KCNQ1: variants seen among roughly 807,000 people sequenced by gnomAD.
KCNQ1 encodes the protein potassium voltage-gated channel subfamily Q member 1.
In KCNQ1, 49 loss-of-function variants were observed where a neutral mutation model predicts 72.4. The observed-to-expected ratio is 0.68, with a 90% CI of 0.54 to 0.86. The LOEUF (loss-of-function observed/expected upper bound fraction) is 0.86. Among genes scored for constraint, KCNQ1 ranks in the 40% least tolerant of loss-of-function variants. The pLI, the probability that KCNQ1 is intolerant of heterozygous loss-of-function variation, is 0.00. For missense variants in KCNQ1, 790 were observed against 945.1 expected, an observed-to-expected ratio of 0.84 and a Z score of 2.15; for synonymous variants, 450 against 412.6, an observed-to-expected ratio of 1.09 and a Z score of -1.10.
chr11:2,668,622 TTTTATG>T lies in KCNQ1; in HGVS notation c.1514+6547_1514+6552del, dbSNP rs1850125727. 1 of 398,618 alleles carries T rather than the reference TTTTATG, an allele frequency of 2.5e-6. No individual in the cohort carries two copies. The highest frequency in any genetic ancestry group is 4.4e-6 in the Non-Finnish European group (1 of 226,056). 24.7% of individuals were successfully genotyped at this position (398,618 alleles called of 1,614,324 possible). A position where few individuals can be genotyped will look rare whatever the true frequency, so the allele number is the denominator to read the frequency against. On this transcript the variant is annotated intron_variant, in intron 11 of 15. Transcript: ENST00000155840. This position sits in a 1 kb window ranked among gnomAD's most constrained non-coding sequence, Gnocchi z 4.3. Reference sequence around the variant, plus strand: ...ATAAATTGCCTACATCTTCTGCCTGTTTTATGTTTATTTATGGTCCTATATATCTTT... The same window carrying T: ...ATAAATTGCCTACATCTTCTGCCTGTTTTATTTATGGTCCTATATATCTTT...
chr11:2,778,709 G>T (rs1413891362), intron 15 of KCNQ1, among the ~76,000 whole-genome samples: 1 of 152,242 alleles, frequency 6.6e-6, no homozygotes, highest in Non-Finnish European at 1.5e-5. Flanking sequence ...TTTGAAGCGG[G>T]CTGTTATCTT....
chr11:2,607,932 A>G (rs73415327), intron 10 of KCNQ1, among the ~76,000 whole-genome samples: 9,622 of 152,274 alleles, frequency 0.063, 718 homozygotes, highest in African/African-American at 0.18. Context: ...ACAAAAATCA[A>G]TAGTATTCCT....
At chr11:2,747,661 TG>T (rs1222123066) in intron 11 of KCNQ1, among the ~76,000 whole-genome samples, 4 of 152,150 alleles carry the variant, frequency 2.6e-5, no homozygotes, top group Non-Finnish European at 4.4e-5. Flanking sequence ...AAGATGGCTT[TG>T]GGGGTGGACA....
In KCNQ1 at chr11:2,623,782, T is replaced by C. The variant is rs897412502; in HGVS notation, c.1393+34928T>C. The C allele has an allele frequency of 7.5e-6, 3 of 398,456 alleles. No individual in the cohort carries two copies. The highest frequency in any genetic ancestry group is 6.2e-5 in the African/African-American group (3 of 48,634). 24.7% of individuals were successfully genotyped at this position (398,456 alleles called of 1,614,324 possible). ...TAAGTCTTCACCTCCTTTGAGTAAA[T>C]ACCAAGGATGTGATTGCTGAACTGC... On this transcript the variant is annotated intron_variant, in intron 10 of 15. Coordinates refer to ENST00000155840, the MANE Select transcript of KCNQ1 (RefSeq NM_000218.3). This position sits in a 1 kb window ranked among gnomAD's most constrained non-coding sequence, Gnocchi z 5.2.
At chr11:2,527,089 C>T (rs1325912296) in intron 1 of KCNQ1, among the ~76,000 whole-genome samples, 2 of 152,200 alleles carry the variant, frequency 1.3e-5, no homozygotes, top group African/African-American at 2.4e-5. Flanking sequence ...TTTATGGTTC[C>T]GGCGATCAGA....
intron 11 of KCNQ1, among the ~76,000 whole-genome samples, chr11:2,716,817 T>G (rs1206534687): frequency 6.6e-6 from 1 of 152,178 alleles, no homozygotes; most frequent in Non-Finnish European, 1.5e-5. Flanking sequence ...AACCATCTCT[T>G]CCCACATTTG....
chr11:2,465,855 G>A (rs1010067077), intron 1 of KCNQ1, among the ~76,000 whole-genome samples: 4 of 152,216 alleles, frequency 2.6e-5, no homozygotes, highest in African/African-American at 9.6e-5. Context: ...CTCCTGGAAG[G>A]CCATTTGGAG....
chr11:2,668,137 G>T lies in KCNQ1; in HGVS notation c.1514+6056G>T. The T allele has an allele frequency of 2.5e-6, 1 of 398,574 alleles. No homozygotes were observed. Among genetic ancestry groups the T allele is most frequent in the South Asian group, 1.3e-4 (1 of 7,848 alleles). 24.7% of individuals were successfully genotyped at this position (398,574 alleles called of 1,614,324 possible). ...TTGATGTCTGGCAGCCTCTCTATGG[G>T]GCTGAAGGGAGAGTGCTCCCTCATG... On this transcript the variant is annotated intron_variant, in intron 11 of 15. Transcript: ENST00000155840. The surrounding 1 kb of genome is among the most constrained non-coding windows in gnomAD (Gnocchi z 4.3).
In KCNQ1 at chr11:2,710,997, T is replaced by C. The variant is rs1160624324; in HGVS notation, c.1514+48916T>C. Among the ~76,000 whole-genome samples, 1 of 152,224 alleles carries C rather than the reference T, an allele frequency of 6.6e-6. No individual in the cohort carries two copies. The highest frequency in any genetic ancestry group is 1.5e-5 in the Non-Finnish European group (1 of 68,038). On this transcript the variant is annotated intron_variant, in intron 11 of 15. Transcript: ENST00000155840. This position sits in a 1 kb window ranked among gnomAD's most constrained non-coding sequence, Gnocchi z 4.1. The stretch of plus-strand genomic sequence containing the variant: ...CCATATGAATTTTACAATCAGCTTG[T>C]CAATTTCTGCAAAGAAACCATCTGG...
At position 2,621,326 on chromosome 11, in the gene KCNQ1, T is replaced by C; in HGVS notation, c.1393+32472T>C. On this transcript the variant is annotated intron_variant, in intron 10 of 15. Transcript: ENST00000155840. The surrounding 1 kb of genome is among the most constrained non-coding windows in gnomAD (Gnocchi z 5.7). ...TAGTGATCATGAGAATGTTTTTTTG[T>C]TTGGCTACTTCTGTATTTTCTTTTA... 2.5e-6 allele frequency: 1 copy of C among 398,590 alleles called. No homozygotes were observed. Among genetic ancestry groups the C allele is most frequent in the Non-Finnish European group, 4.4e-6 (1 of 226,032 alleles). 24.7% of individuals were successfully genotyped at this position (398,590 alleles called of 1,614,324 possible).
chr11:2,558,570 C>A (rs1222170287), intron 2 of KCNQ1, among the ~76,000 whole-genome samples: 1 of 152,226 alleles, frequency 6.6e-6, no homozygotes, highest in African/African-American at 2.4e-5. Flanking sequence ...GCTGCTGCGC[C>A]CTGTGTCCGC....
Position 2,676,051 on chromosome 11 carries a change from T to C in KCNQ1, c.1514+13970T>C, listed in dbSNP as rs552162628. ...CCACTCAACACTTTCCTATTGCATC[T>C]TTCCAGACGTATTTTATATAAACAA... On this transcript the variant is annotated intron_variant, in intron 11 of 15. Coordinates refer to ENST00000155840, the MANE Select transcript of KCNQ1 (RefSeq NM_000218.3). The surrounding 1 kb of genome is among the most constrained non-coding windows in gnomAD (Gnocchi z 4.2). 1 of 398,660 alleles carries C rather than the reference T, an allele frequency of 2.5e-6. No individual in the cohort carries two copies. Among genetic ancestry groups the C allele is most frequent in the South Asian group, 1.3e-4 (1 of 7,866 alleles). The allele number at this position is 398,660 out of a possible 1,614,324, so 24.7% of individuals were successfully genotyped here.
chr11:2,670,526 T>G lies in KCNQ1; in HGVS notation c.1514+8445T>G. ...CCTCCCAGCTCACAGAAGGGGAAATTGAAGCCTCAAGAAGGATAGGGACTT... is the reference window on the plus strand; with the variant it reads ...CCTCCCAGCTCACAGAAGGGGAAATGGAAGCCTCAAGAAGGATAGGGACTT... On this transcript the variant is annotated intron_variant, in intron 11 of 15. Transcript: ENST00000155840. The surrounding 1 kb of genome is among the most constrained non-coding windows in gnomAD (Gnocchi z 4.9). 2.5e-6 allele frequency: 1 copy of G among 397,576 alleles called. No individual in the cohort carries two copies. The highest frequency in any genetic ancestry group is 4.4e-6 in the Non-Finnish European group (1 of 225,866). 24.6% of individuals were successfully genotyped at this position (397,576 alleles called of 1,614,324 possible). A position where few individuals can be genotyped will look rare whatever the true frequency, so the allele number is the denominator to read the frequency against.
chr11:2,686,272 G>A (rs1253704015), intron 11 of KCNQ1: 4 of 398,622 alleles, frequency 1.0e-5, no homozygotes, highest in Non-Finnish European at 1.8e-5. Context: ...CCCCAGTACT[G>A]CCACTGGCTT....
intron 15 of KCNQ1, among the ~76,000 whole-genome samples, chr11:2,841,236 C>T (rs1026142573): frequency 6.6e-5 from 10 of 152,202 alleles, no homozygotes; most frequent in South Asian, 4.1e-4. Flanking sequence ...CAGATCAACA[C>T]GGGCATGCTC....
chr11:2,569,870 G>T (rs1204030210), intron 2 of KCNQ1, among the ~76,000 whole-genome samples: 2 of 152,198 alleles, frequency 1.3e-5, no homozygotes, highest in African/African-American at 2.4e-5. Context: ...CTAGGGGGTG[G>T]GATCCAGCTC....
rs1241681487 is a variant in KCNQ1, at chr11:2,664,550, G to A, written c.1514+2469G>A. 2 of 398,618 alleles carry A rather than the reference G, an allele frequency of 5.0e-6. No homozygotes were observed. Among genetic ancestry groups the A allele is most frequent in the East Asian group, 3.6e-5 (1 of 28,084 alleles). 24.7% of individuals were successfully genotyped at this position (398,618 alleles called of 1,614,324 possible). A position where few individuals can be genotyped will look rare whatever the true frequency, so the allele number is the denominator to read the frequency against. Reference sequence around the variant, plus strand: ...CCAAACCGCCTGGCGGCAGGGGTGTGGGGGCCGTGCAGGTCTTCTGCCCGC... The same window carrying A: ...CCAAACCGCCTGGCGGCAGGGGTGTAGGGGCCGTGCAGGTCTTCTGCCCGC... On this transcript the variant is annotated intron_variant, in intron 11 of 15. Coordinates refer to ENST00000155840, the MANE Select transcript of KCNQ1 (RefSeq NM_000218.3). This position sits in a 1 kb window ranked among gnomAD's most constrained non-coding sequence, Gnocchi z 5.1.
intron 11 of KCNQ1, among the ~76,000 whole-genome samples, chr11:2,721,561 C>T (rs183742294): frequency 1.3e-5 from 2 of 152,362 alleles, no homozygotes; most frequent in Admixed American, 1.3e-4. Context: ...TACATTCCGG[C>T]GGTCAGCAGC....
rs1239990597 is a variant in KCNQ1 at position 2,468,384 on chromosome 11, C to T, written c.386+22900C>T. The stretch of plus-strand genomic sequence containing the variant: ...CTAGTCTCAAGCTCCTGAGCTCAAG[C>T]GATCTGCCTGCCTCAGCCTCCCAAA... On this transcript the variant is annotated intron_variant, in intron 1 of 15. Transcript: ENST00000155840. The surrounding 1 kb of genome is among the most constrained non-coding windows in gnomAD (Gnocchi z 5.7). Among the ~76,000 whole-genome samples the T allele has an allele frequency of 6.6e-6, 1 of 152,160 alleles. No homozygotes were observed. Among genetic ancestry groups the T allele is most frequent in the Non-Finnish European group, 1.5e-5 (1 of 68,020 alleles).
Sources: allele counts gnomAD v4.1 joint callset (sites outside exome capture counted in the v4.1 genomes callset), GRCh38; gene constraint gnomAD v4.1.1; non-coding constraint Gnocchi (gnomAD v3.1); transcripts MANE v1.5; gene names NCBI Gene and HGNC (gene_info 2026-07-23, HGNC 2026-07-21).